The following KDM4C variants were observed in gnomAD, a reference collection of about 807,000 sequenced individuals.
The protein encoded by KDM4C is lysine demethylase 4C.
In KDM4C, 81 loss-of-function variants were observed where a neutral mutation model predicts 129.3. The observed-to-expected ratio is 0.63, with a 90% CI of 0.52 to 0.75. The LOEUF (loss-of-function observed/expected upper bound fraction) is 0.75. Ranked by LOEUF, KDM4C falls within the 30% of genes least tolerant of loss-of-function variation. KDM4C has a pLI of 0.00. For missense variants in KDM4C, 1,457 were observed against 1,304.0 expected (o/e 1.12, Z -1.81); for synonymous variants, 573 against 456.1 (o/e 1.26, Z -3.26).
intron 8 of KDM4C, among the ~76,000 whole-genome samples, chr9:6,961,307 T>G (rs1466291448): frequency 1.3e-5 from 2 of 152,162 alleles, no homozygotes; most frequent in Admixed American, 1.3e-4. Context: ...ACTAGATGTG[T>G]GCAGCACTAA....
intron 12 of KDM4C, among the ~76,000 whole-genome samples, chr9:7,009,230 A>G (rs1822242676): frequency 6.6e-6 from 1 of 152,244 alleles, no homozygotes; most frequent in East Asian, 1.9e-4. Context: ...CTGGAGGTAA[A>G]GAACACAATA....
rs199970128 is a variant in KDM4C at position 7,155,740 on chromosome 9, T to C, written c.2782-9498T>C. Among the ~76,000 whole-genome samples the C allele has an allele frequency of 4.0e-4, 61 of 152,370 alleles. No individual in the cohort carries two copies. The East Asian group carries it at 6.4e-3, about 16-fold the overall frequency. ...TCCATGGTGTATATGTGCCACATTT[T>C]CTTAATCCAGTCTAACATTGATGGA... On this transcript the variant is annotated intron_variant, in intron 19 of 21. Coordinates refer to ENST00000381309, the MANE Select transcript of KDM4C (RefSeq NM_015061.6).
chr9:7,009,841 T>C (rs1255191356), intron 12 of KDM4C, among the ~76,000 whole-genome samples: 1 of 152,152 alleles, frequency 6.6e-6, no homozygotes, highest in Non-Finnish European at 1.5e-5. Flanking sequence ...TTACATGCAA[T>C]TTTTTTCAAT....
rs1446083452 is a variant in KDM4C at position 6,888,826 on chromosome 9, C to T, written c.783+763C>T. 2.6e-4 allele frequency among the ~76,000 whole-genome samples: 20 copies of T among 75,946 alleles called. 3 individuals are homozygous for T. The highest frequency in any genetic ancestry group is 4.7e-4 in the South Asian group (1 of 2,112). The allele number at this position is 75,946 out of a possible 152,430, so 49.8% of individuals were successfully genotyped here. A position where few individuals can be genotyped will look rare whatever the true frequency, so the allele number is the denominator to read the frequency against. Reference sequence around the variant, plus strand: ...TTTTTGAGACGGAGTCTCGCTCTGTCGCCCAGGCTGGAGTGCAGTGGCGGG... The same window carrying T: ...TTTTTGAGACGGAGTCTCGCTCTGTTGCCCAGGCTGGAGTGCAGTGGCGGG... On this transcript the variant is annotated intron_variant, in intron 7 of 21. Coordinates refer to ENST00000381309, the MANE Select transcript of KDM4C (RefSeq NM_015061.6).
chr9:7,135,617 C>T (rs1230775890), intron 19 of KDM4C, among the ~76,000 whole-genome samples: 2 of 152,080 alleles, frequency 1.3e-5, no homozygotes, highest in Middle Eastern at 3.2e-3. Context: ...GTGTTGAACA[C>T]TGTGTTAGGC....
At chr9:6,820,179 C>T (rs867126801) in intron 4 of KDM4C, among the ~76,000 whole-genome samples, 3 of 151,994 alleles carry the variant, frequency 2.0e-5, no homozygotes, top group South Asian at 2.1e-4. Flanking sequence ...TTGCAGCCTG[C>T]GGGAGAGGCA....
At chr9:6,900,019 T>G (rs1817118735) in intron 8 of KDM4C, among the ~76,000 whole-genome samples, 1 of 152,248 alleles carries the variant, frequency 6.6e-6, no homozygotes, top group Non-Finnish European at 1.5e-5. Flanking sequence ...TCAGTCTAGT[T>G]TCTTGTAGTT....
intron 8 of KDM4C, chr9:6,978,857 C>G (rs1361767383): frequency 6.6e-6 from 1 of 152,198 alleles, no homozygotes; most frequent in Admixed American, 6.5e-5. Flanking sequence ...TCGGAGCACA[C>G]TCCTCTTTGA....
intron 4 of KDM4C, among the ~76,000 whole-genome samples, chr9:6,817,113 C>G (rs1216673598): frequency 1.3e-5 from 2 of 150,732 alleles, no homozygotes; most frequent in African/African-American, 2.4e-5. Context: ...TGAAATAACA[C>G]GAGGGTTGGG....
chr9:6,736,801 A>G (rs1817539688), intron 1 of KDM4C, among the ~76,000 whole-genome samples: 2 of 152,210 alleles, frequency 1.3e-5, no homozygotes, highest in South Asian at 4.1e-4. Context: ...CTGTAATCCC[A>G]GAACTTTTGG....
In KDM4C at chr9:6,758,476, C is replaced by T. The variant is rs1300796496; in HGVS notation, c.-18+273C>T. Among the ~76,000 whole-genome samples the T allele has an allele frequency of 6.6e-6, 1 of 152,232 alleles. No individual in the cohort carries two copies. ...CCCGCGCTCGCCGTTTTCCCGGGAT[C>T]CGGAGTCGGGGTCGCCTCCTTGGGG... is the stretch of plus-strand genomic sequence containing the variant. On this transcript the variant is annotated intron_variant, in intron 1 of 21. Transcript: ENST00000381309. This position sits in a 1 kb window ranked among gnomAD's most constrained non-coding sequence, Gnocchi z 4.6.
intron 4 of KDM4C, among the ~76,000 whole-genome samples, chr9:6,822,712 C>T (rs892169223): frequency 5.3e-5 from 8 of 151,964 alleles, no homozygotes; most frequent in African/African-American, 1.7e-4. Context: ...GGAGTTTCTT[C>T]GGGAAACAAA....
intron 17 of KDM4C, among the ~76,000 whole-genome samples, chr9:7,083,278 A>G (rs1834745152): frequency 6.6e-6 from 1 of 152,224 alleles, no homozygotes; most frequent in Non-Finnish European, 1.5e-5. Flanking sequence ...AAGATCTGAA[A>G]TACTCCAATG....
intron 17 of KDM4C, among the ~76,000 whole-genome samples, chr9:7,086,949 T>G (rs1368581736): frequency 6.6e-6 from 1 of 152,218 alleles, no homozygotes; most frequent in African/African-American, 2.4e-5. Context: ...TCCATGCGTC[T>G]CTGAGCTCAC....
chr9:7,090,016 A>G (rs7848212), intron 17 of KDM4C, among the ~76,000 whole-genome samples: 30,673 of 152,228 alleles, frequency 0.2, 3,248 homozygotes, highest in Admixed American at 0.26. Context: ...GAATCCCCCA[A>G]GCCTCCTCTT....
chr9:6,833,286 C>T (rs999593573), intron 4 of KDM4C, among the ~76,000 whole-genome samples: 3 of 151,996 alleles, frequency 2.0e-5, no homozygotes, highest in Non-Finnish European at 4.4e-5. Context: ...GTATATCCTG[C>T]ACTTCCTCTA....
At chr9:7,016,088 G>T (rs529371774) in intron 15 of KDM4C, among the ~76,000 whole-genome samples, 159 bp downstream of exon 15, 1 of 151,762 alleles carries the variant, frequency 6.6e-6, no homozygotes, top group Non-Finnish European at 1.5e-5. Flanking sequence ...CATCTTACCT[G>T]CTGGTTCTAT....
At chr9:7,096,049 G>C (rs1587613199) in intron 17 of KDM4C, among the ~76,000 whole-genome samples, 1 of 152,146 alleles carries the variant, frequency 6.6e-6, no homozygotes. Flanking sequence ...AAGATGTTTG[G>C]TGGCACTTAA....
At chr9:6,811,940 C>T (rs1284487405) in intron 3 of KDM4C, among the ~76,000 whole-genome samples, 2 of 152,156 alleles carry the variant, frequency 1.3e-5, no homozygotes, top group Non-Finnish European at 2.9e-5. Context: ...TTAGGAAGGA[C>T]AGTCCATTAG....
Sources: gnomAD v4.1 joint callset for allele counts (sites outside exome capture counted in the v4.1 genomes callset) on GRCh38, gnomAD v4.1.1 for gene constraint, Gnocchi (gnomAD v3.1) non-coding constraint, MANE v1.5 for transcripts, NCBI Gene and HGNC (gene_info 2026-07-23, HGNC 2026-07-21) for gene names.